The following CREBL2 variants were observed in gnomAD, a reference collection of about 807,000 sequenced individuals.
The protein encoded by CREBL2 is cAMP-responsive element-binding protein-like 2.
CREBL2 carries 4 observed loss-of-function variants against 19.5 expected under a neutral mutation model. That is an observed-to-expected ratio of 0.20 (90% CI 0.10 to 0.47). CREBL2 has a LOEUF of 0.47. CREBL2 is among the 20% of genes least tolerant of loss of function. CREBL2 has a pLI of 0.98. For synonymous variants in CREBL2, 42 were observed against 46.6 expected (o/e 0.90, Z 0.40); for missense variants, 85 against 145.1 (o/e 0.59, Z 2.13).
At chr12:12,614,467 CTT>C (rs34307341) in intron 1 of CREBL2, 1,579 of 128,424 alleles carry the variant, frequency 0.012, 23 homozygotes, top group African/African-American at 0.042. Flanking sequence ...ATTTAGTTTC[CTT>C]TTTTTTTTTT....
intron 1 of CREBL2, among the ~76,000 whole-genome samples, chr12:12,613,971 T>C (rs1156924586): frequency 1.4e-5 from 2 of 144,512 alleles, no homozygotes; most frequent in Non-Finnish European, 3.0e-5. Flanking sequence ...ATCACACTTC[T>C]TTCTTTTTTC....
chr12:12,637,896 G>T (rs879569411), intron 3 of CREBL2, among the ~76,000 whole-genome samples, 182 bp downstream of exon 3: 1 of 151,728 alleles, frequency 6.6e-6, no homozygotes, highest in African/African-American at 2.4e-5. Flanking sequence ...ACAAAAATTC[G>T]CTGGGCATGG....
intron 1 of CREBL2, among the ~76,000 whole-genome samples, chr12:12,619,429 A>C (rs1290536230): frequency 6.6e-6 from 1 of 152,146 alleles, no homozygotes; most frequent in African/African-American, 2.4e-5. Context: ...AACATGGCGA[A>C]ACCCCATCTC....
At chr12:12,638,351 T>A (rs950292540) in intron 3 of CREBL2, among the ~76,000 whole-genome samples, 2 of 152,068 alleles carry the variant, frequency 1.3e-5, no homozygotes, top group African/African-American at 4.8e-5. Flanking sequence ...GCACAAGAAT[T>A]GCTTTAACCT....
intron 1 of CREBL2, among the ~76,000 whole-genome samples, chr12:12,620,392 CCTGA>C (rs1208954954): frequency 1.3e-5 from 2 of 152,082 alleles, no homozygotes; most frequent in South Asian, 2.1e-4. Flanking sequence ...TGCCACCATG[CCTGA>C]CTAATTTAAA....
In CREBL2 at chr12:12,636,110, G is replaced by A. The variant is rs1945473148; in HGVS notation, c.213+136G>A. 1.6e-5 allele frequency: 13 copies of A among 837,224 alleles called. No individual in the cohort carries two copies. In the South Asian group the frequency reaches 2.2e-4, roughly 14 times the overall value. 51.9% of individuals were successfully genotyped at this position (837,224 alleles called of 1,614,324 possible). A position where few individuals can be genotyped will look rare whatever the true frequency, so the allele number is the denominator to read the frequency against. On this transcript the variant is annotated intron_variant, in intron 2 of 3. Coordinates refer to ENST00000228865, the MANE Select transcript of CREBL2 (RefSeq NM_001310.4). ...AGAATATTAATCTGTTAGCCAGGAT[G>A]GGGGCAAATAGGCATCTTCATACAC... is the stretch of plus-strand genomic sequence containing the variant.
Position 12,625,645 on chromosome 12 carries a change from G to C in CREBL2, c.16-10132G>C, listed in dbSNP as rs145188991. ...TACAAATCTAGGGACTTGGGTTCTA[G>C]TCCTTGCTCTGATGGAAGTCTCTGG... On this transcript the variant is annotated intron_variant, in intron 1 of 3. Transcript: ENST00000228865. Among the ~76,000 whole-genome samples, 935 of 152,280 alleles carry C rather than the reference G, an allele frequency of 6.1e-3. 8 individuals carry two copies. The highest frequency in any genetic ancestry group is 0.021 in the African/African-American group (886 of 41,558).
At chr12:12,618,209 GCGGAGACGC>G (rs1945328645) in intron 1 of CREBL2, among the ~76,000 whole-genome samples, 1 of 150,532 alleles carries the variant, frequency 6.6e-6, no homozygotes, top group African/African-American at 2.5e-5. Context: ...CGGCTGCCGG[GCGGAGACGC>G]TCCTCACTTC....
rs1175709681 is a variant in CREBL2, at chr12:12,643,171, G to A, written c.*1173G>A. 1.3e-5 allele frequency: 2 copies of A among 152,600 alleles called. No homozygotes were observed. The highest frequency in any genetic ancestry group is 2.9e-5 in the Non-Finnish European group (2 of 68,066). 9.5% of individuals were successfully genotyped at this position (152,600 alleles called of 1,614,324 possible). On this transcript the variant is annotated 3_prime_UTR_variant, in exon 4 of 4. Coordinates refer to ENST00000228865, the MANE Select transcript of CREBL2 (RefSeq NM_001310.4). ...AGGGAAGCATTGGAACTGGAGTTGT[G>A]CACAGCACCGCAGCTAGTGGGCCTG...
In CREBL2 at chr12:12,643,641, C is replaced by T. The variant is rs1945543630; in HGVS notation, c.*1643C>T. 1 of 149,654 alleles carries T rather than the reference C, an allele frequency of 6.7e-6. No homozygotes were observed. The highest frequency in any genetic ancestry group is 2.2e-4 in the South Asian group (1 of 4,616). The allele number at this position is 149,654 out of a possible 1,614,324, so 9.3% of individuals were successfully genotyped here. On this transcript the variant is annotated 3_prime_UTR_variant, in exon 4 of 4. Coordinates refer to ENST00000228865, the MANE Select transcript of CREBL2 (RefSeq NM_001310.4). ...CCTGAGCTCCTAAAGACCTCTTGTA[C>T]TTGGTTGCAAACTCAGATCTCTAGT...
chr12:12,612,742 C>T (rs1343238606), intron 1 of CREBL2, among the ~76,000 whole-genome samples: 3 of 152,178 alleles, frequency 2.0e-5, no homozygotes, highest in Admixed American at 2.0e-4. Context: ...TACTGATTTT[C>T]CTCTTGTTAA....
chr12:12,628,056 A>G (rs1017098712), intron 1 of CREBL2, among the ~76,000 whole-genome samples: 4 of 151,504 alleles, frequency 2.6e-5, no homozygotes, highest in Non-Finnish European at 5.9e-5. Flanking sequence ...ATTGTTTTTT[A>G]TTTTTAGTAG....
chr12:12,616,321 T>C lies in CREBL2; in HGVS notation c.15+4134T>C, dbSNP rs1442828229. Among the ~76,000 whole-genome samples the C allele has an allele frequency of 3.3e-5, 5 of 152,194 alleles. No homozygotes were observed. In the East Asian group the frequency reaches 5.8e-4, roughly 18 times the overall value. The stretch of plus-strand genomic sequence containing the variant: ...TGAAGGAAGGTTCAAAATGTCATTG[T>C]TTAGCCTGAAAGAGTGAAGTTAAAA... On this transcript the variant is annotated intron_variant, in intron 1 of 3. Coordinates refer to ENST00000228865, the MANE Select transcript of CREBL2 (RefSeq NM_001310.4).
intron 1 of CREBL2, among the ~76,000 whole-genome samples, chr12:12,618,957 C>T (rs567997705): frequency 6.6e-6 from 1 of 152,076 alleles, no homozygotes; most frequent in South Asian, 2.1e-4. Context: ...GAGAATCAGG[C>T]AGGGAGGTTG....
chr12:12,633,642 A>G (rs573705834), intron 1 of CREBL2, among the ~76,000 whole-genome samples: 4 of 132,518 alleles, frequency 3.0e-5, no homozygotes, highest in East Asian at 2.3e-4. Flanking sequence ...GCTAGATACA[A>G]TGGTTGGCCA....
chr12:12,622,839 C>G (rs753697594), intron 1 of CREBL2, among the ~76,000 whole-genome samples: 5 of 152,094 alleles, frequency 3.3e-5, no homozygotes, highest in Admixed American at 3.3e-4. Flanking sequence ...TTCTTTAATC[C>G]GTGGGAGATA....
chr12:12,612,040 A>G lies in CREBL2; in HGVS notation c.-133A>G. The G allele has an allele frequency of 9.2e-7, 1 of 1,081,234 alleles. No individual in the cohort carries two copies. The highest frequency in any genetic ancestry group is 1.4e-6 in the Non-Finnish European group (1 of 731,196). 67.0% of individuals were successfully genotyped at this position (1,081,234 alleles called of 1,614,324 possible). The stretch of plus-strand genomic sequence containing the variant: ...CCGTGACTCTGGCATCAGGGAAGCG[A>G]ACTGTTAGGCGAGAGGAGGAGGCAG... On this transcript the variant is annotated 5_prime_UTR_variant, in exon 1 of 4. Coordinates refer to ENST00000228865, the MANE Select transcript of CREBL2 (RefSeq NM_001310.4).
intron 1 of CREBL2, 120 bp from the exon 2 acceptor site, chr12:12,635,657 G>C: frequency 8.4e-7 from 1 of 1,188,824 alleles, no homozygotes; most frequent in South Asian, 1.6e-5. Context: ...TGCTTTCTTA[G>C]TTCCGTAGGG....
chr12:12,626,174 T>G (rs1945400019), intron 1 of CREBL2, among the ~76,000 whole-genome samples: 1 of 150,980 alleles, frequency 6.6e-6, no homozygotes, highest in Admixed American at 6.6e-5. Flanking sequence ...TGCTGGAGGC[T>G]TCCTCATTTT....
Sources: gnomAD v4.1 joint callset for allele counts (sites outside exome capture counted in the v4.1 genomes callset) on GRCh38, gnomAD v4.1.1 for gene constraint, MANE v1.5 for transcripts, NCBI Gene and HGNC (gene_info 2026-07-23, HGNC 2026-07-21) for gene names.